NRXN1: variants seen among roughly 807,000 people sequenced by gnomAD.
NRXN1 encodes the protein neurexin 1.
A neutral mutation model predicts 150.9 loss-of-function variants in NRXN1; 39 were observed. The observed-to-expected ratio is 0.26, with a 90% CI of 0.20 to 0.34. NRXN1 has a LOEUF of 0.34. Ranked by LOEUF, NRXN1 falls within the 10% of genes least tolerant of loss-of-function variation. The pLI is 1.00. For missense variants in NRXN1, 1,815 were observed against 1,949.9 expected, an observed-to-expected ratio of 0.93 and a Z score of 1.30; for synonymous variants, 924 against 757.0, an observed-to-expected ratio of 1.22 and a Z score of -3.62.
chr2:50,785,664 G>A (rs188950496), intron 5 of NRXN1, among the ~76,000 whole-genome samples: 134 of 152,196 alleles, frequency 8.8e-4, no homozygotes, highest in African/African-American at 3.1e-3. Context: ...ATAAAGAGAA[G>A]CAAAAGCACT....
intron 5 of NRXN1, among the ~76,000 whole-genome samples, chr2:50,731,180 A>G (rs1698054181): frequency 6.6e-6 from 1 of 152,216 alleles, no homozygotes; most frequent in Admixed American, 6.5e-5. Context: ...TTACTTTCAC[A>G]TAATACATAT....
At chr2:50,568,308 T>G (rs1204035520) in intron 8 of NRXN1, among the ~76,000 whole-genome samples, 1 of 152,096 alleles carries the variant, frequency 6.6e-6, no homozygotes, top group Non-Finnish European at 1.5e-5. Context: ...CACATTAAGT[T>G]ACAAAGCTTC....
Position 50,347,099 on chromosome 2 carries a change from A to C in NRXN1, c.3365-110129T>G, listed in dbSNP as rs1239260906. The C allele has an allele frequency of 1.4e-6, 2 of 1,385,936 alleles. No homozygotes were observed. Among genetic ancestry groups the C allele is most frequent in the Admixed American group, 2.2e-5 (1 of 46,310 alleles). The allele number at this position is 1,385,936 out of a possible 1,614,324, so 85.9% of individuals were successfully genotyped here. A position where few individuals can be genotyped will look rare whatever the true frequency, so the allele number is the denominator to read the frequency against. On this transcript the variant is annotated intron_variant, in intron 17 of 22. Transcript: ENST00000401669. This position sits in a 1 kb window ranked among gnomAD's most constrained non-coding sequence, Gnocchi z 4.9. ...GGCACCCATCCTCTCCCTCCTTCGG[A>C]CAGTCTTCTCGGGGTCCTGGAGTCC...
At chr2:50,154,051 C>T (rs1481534437) in intron 18 of NRXN1, among the ~76,000 whole-genome samples, 1 of 151,694 alleles carries the variant, frequency 6.6e-6, no homozygotes, top group Non-Finnish European at 1.5e-5. Context: ...AAGTTATACA[C>T]CTTTAATAGA....
At chr2:50,478,849 AC>A (rs1213774423) in intron 15 of NRXN1, among the ~76,000 whole-genome samples, 1 of 152,356 alleles carries the variant, frequency 6.6e-6, no homozygotes, top group East Asian at 1.9e-4. Context: ...CTTACAATCA[AC>A]TACTGCCAAG....
intron 5 of NRXN1, chr2:50,696,329 C>T (rs1692860625): frequency 6.6e-6 from 1 of 152,540 alleles, no homozygotes; most frequent in Admixed American, 6.5e-5. Context: ...TAATTCTTCA[C>T]ACAGATAGCT....
chr2:50,243,173 T>C (rs1574695909), intron 17 of NRXN1, among the ~76,000 whole-genome samples: 2 of 151,808 alleles, frequency 1.3e-5, no homozygotes, highest in South Asian at 2.1e-4. Context: ...AGGATCTGAA[T>C]GATCTAACAA....
chr2:50,323,751 T>G (rs535525265), intron 17 of NRXN1, among the ~76,000 whole-genome samples: 88 of 152,328 alleles, frequency 5.8e-4, no homozygotes, highest in East Asian at 2.1e-3. Flanking sequence ...AATATGCCTA[T>G]GTGTATCTGT....
intron 17 of NRXN1, among the ~76,000 whole-genome samples, chr2:50,415,478 T>C (rs186674879): frequency 6.6e-6 from 1 of 152,280 alleles, no homozygotes; most frequent in East Asian, 1.9e-4. Context: ...GATAAAGATA[T>C]CATTTGCTCC....
chr2:50,895,404 A>G (rs188312968), intron 5 of NRXN1, among the ~76,000 whole-genome samples: 3 of 152,284 alleles, frequency 2.0e-5, no homozygotes, highest in Non-Finnish European at 4.4e-5. Context: ...ATTTCATTAT[A>G]GATAAGTTGC....
intron 17 of NRXN1, among the ~76,000 whole-genome samples, chr2:50,343,270 G>A (rs1406586648): frequency 6.6e-5 from 10 of 152,260 alleles, no homozygotes; most frequent in Admixed American, 4.6e-4. Flanking sequence ...TAGGAAAGCC[G>A]GGAGCTGAGA....
At chr2:50,433,631 T>A (rs2085168185) in intron 17 of NRXN1, among the ~76,000 whole-genome samples, 1 of 148,592 alleles carries the variant, frequency 6.7e-6, no homozygotes, top group African/African-American at 2.5e-5. Flanking sequence ...GAAGTATGTA[T>A]CACTCAGATT....
At chr2:49,969,009 G>C (rs1677456699) in intron 21 of NRXN1, among the ~76,000 whole-genome samples, 1 of 151,990 alleles carries the variant, frequency 6.6e-6, no homozygotes, top group Admixed American at 6.6e-5. Context: ...ACTGAGAGGG[G>C]TGCTTAGTAA....
At chr2:50,737,364 A>T (rs1319639436) in intron 5 of NRXN1, among the ~76,000 whole-genome samples, 1 of 152,180 alleles carries the variant, frequency 6.6e-6, no homozygotes, top group Non-Finnish European at 1.5e-5. Flanking sequence ...TTACATATAG[A>T]ACTCTTATGG....
intron 17 of NRXN1, among the ~76,000 whole-genome samples, chr2:50,463,055 T>G (rs2088412150): frequency 6.6e-6 from 1 of 151,764 alleles, no homozygotes; most frequent in Admixed American, 6.6e-5. Context: ...AGATGAAAAT[T>G]TCATTAAGAA....
At chr2:50,226,338 A>G (rs1384358208) in intron 18 of NRXN1, among the ~76,000 whole-genome samples, 1 of 152,022 alleles carries the variant, frequency 6.6e-6, no homozygotes, top group Non-Finnish European at 1.5e-5. Flanking sequence ...AGGATTTGAA[A>G]TATCAGCCTA....
chr2:50,611,229 T>C (rs1678064343), intron 8 of NRXN1, among the ~76,000 whole-genome samples: 1 of 152,080 alleles, frequency 6.6e-6, no homozygotes, highest in African/African-American at 2.4e-5. Context: ...TTCTATAAAA[T>C]GTATCAAGTC....
chr2:50,042,348 G>T (rs1691117435), intron 21 of NRXN1, among the ~76,000 whole-genome samples: 1 of 152,088 alleles, frequency 6.6e-6, no homozygotes, highest in South Asian at 2.1e-4. Flanking sequence ...TCTCATGATG[G>T]TAAGTTCTCA....
intron 5 of NRXN1, among the ~76,000 whole-genome samples, chr2:50,651,432 G>A (rs1170981751): frequency 6.6e-6 from 1 of 151,766 alleles, no homozygotes; most frequent in Non-Finnish European, 1.5e-5. Context: ...GGGAAATATA[G>A]TGAGACCTCA....
Sources: gnomAD v4.1 joint callset for allele counts (sites outside exome capture counted in the v4.1 genomes callset) on GRCh38, gnomAD v4.1.1 for gene constraint, Gnocchi (gnomAD v3.1) non-coding constraint, MANE v1.5 for transcripts, NCBI Gene and HGNC (gene_info 2026-07-23, HGNC 2026-07-21) for gene names.